FAM209A: variants seen among roughly 807,000 people sequenced by gnomAD.
The protein encoded by FAM209A is family with sequence similarity 209 member A.
Under a neutral mutation model 9.8 loss-of-function variants are expected in FAM209A, and 4 were observed. That is an observed-to-expected ratio of 0.41 (90% CI 0.20 to 0.94). The LOEUF is 0.94. FAM209A is among the 40% of genes least tolerant of loss of function. The probability of loss-of-function intolerance (pLI) is 0.32; values close to 1 mark genes in which losing one functional copy is unlikely to be tolerated. For missense variants in FAM209A, 205 were observed against 209.4 expected (o/e 0.98, Z 0.13); for synonymous variants, 55 against 77.8 (o/e 0.71, Z 1.54).
chr20:56,531,041 G>T (rs1985727241), downstream of FAM209A, among the ~76,000 whole-genome samples: 1 of 152,132 alleles, frequency 6.6e-6, no homozygotes, highest in African/African-American at 2.4e-5. Flanking sequence ...TCATTTTAAA[G>T]AACTCATGGT....
At chr20:56,527,502 GTC>G (rs150405742), downstream of FAM209A, among the ~76,000 whole-genome samples, 981 of 152,268 alleles carry the variant, frequency 6.4e-3, 7 homozygotes, top group African/African-American at 0.021. Context: ...TCTGCAAAAT[GTC>G]TCTTGCCACA....
At chr20:56,533,511 G>A in the FAM209A span, 4 of 1,614,056 alleles carry the variant, frequency 2.5e-6, no homozygotes, top group Non-Finnish European at 3.4e-6. Context: ...GGCTGGCTTG[G>A]GAGCAAATGG....
At chr20:56,528,788 A>G (rs1023369348), downstream of FAM209A, among the ~76,000 whole-genome samples, 2 of 152,328 alleles carry the variant, frequency 1.3e-5, no homozygotes, top group Admixed American at 6.5e-5. Flanking sequence ...AGAGAGACCA[A>G]GAGGAATCTG....
the FAM209A span, among the ~76,000 whole-genome samples, chr20:56,532,545 G>A: frequency 9.1e-5 from 13 of 142,154 alleles, no homozygotes; most frequent in East Asian, 4.1e-4. Flanking sequence ...GTGCAGTGGC[G>A]TGATCTCGGC....
downstream of FAM209A, among the ~76,000 whole-genome samples, chr20:56,530,599 C>T (rs1373172149): frequency 2.0e-5 from 3 of 151,962 alleles, no homozygotes; most frequent in East Asian, 1.9e-4. Context: ...TGGGCTCAAG[C>T]GATTCTCCTG....
At chr20:56,526,659 A>G (rs1985542240), downstream of FAM209A, among the ~76,000 whole-genome samples, 1 of 151,712 alleles carries the variant, frequency 6.6e-6, no homozygotes, top group African/African-American at 2.4e-5. Flanking sequence ...AAAAAAAAAA[A>G]AGGGGGATGA....
chr20:56,531,108 C>G (rs1318625227), downstream of FAM209A, among the ~76,000 whole-genome samples: 3 of 152,078 alleles, frequency 2.0e-5, no homozygotes, highest in Non-Finnish European at 2.9e-5. Context: ...AGTTGTCAAG[C>G]TAGCTGTTCC....
chr20:56,526,475 G>C (rs1985535581), downstream of FAM209A, among the ~76,000 whole-genome samples: 1 of 152,058 alleles, frequency 6.6e-6, no homozygotes, highest in Non-Finnish European at 1.5e-5. Flanking sequence ...ACAAAAGACA[G>C]CATTAATGAT....
At chr20:56,528,099 T>C (rs1985614589), downstream of FAM209A, among the ~76,000 whole-genome samples, 1 of 150,014 alleles carries the variant, frequency 6.7e-6, no homozygotes, top group Admixed American at 6.6e-5. Context: ...AGAGCTAGAC[T>C]CTGTCTCAAA....
chr20:56,525,715 C>G (rs1374740764), intron 1 of FAM209A, 89 bp from the exon 2 acceptor site: 1 of 1,353,814 alleles, frequency 7.4e-7, no homozygotes, highest in Non-Finnish European at 1.0e-6. Context: ...GGTCTTCTTG[C>G]AACTACTCAA....
chr20:56,528,803 G>A (rs1001671982), downstream of FAM209A, among the ~76,000 whole-genome samples: 1 of 152,310 alleles, frequency 6.6e-6, no homozygotes, highest in African/African-American at 2.4e-5. Flanking sequence ...AATCTGGACA[G>A]GCCCTGATGG....
At chr20:56,525,342 T>C (rs544229172) in intron 1 of FAM209A, among the ~76,000 whole-genome samples, 5 of 152,324 alleles carry the variant, frequency 3.3e-5, no homozygotes, top group East Asian at 3.9e-4. Context: ...CAAGAACTTA[T>C]GGTGTGTTTC....
chr20:56,527,023 T>C (rs1330173290), downstream of FAM209A, among the ~76,000 whole-genome samples: 1 of 152,220 alleles, frequency 6.6e-6, no homozygotes, highest in Non-Finnish European at 1.5e-5. Context: ...ATCCTACTTA[T>C]TCAAAATGTG....
chr20:56,530,505 A>T (rs560033561), downstream of FAM209A, among the ~76,000 whole-genome samples: 6 of 150,474 alleles, frequency 4.0e-5, no homozygotes, highest in African/African-American at 2.4e-5. Context: ...GAATTTATTC[A>T]TTTTTTTTTA....
downstream of FAM209A, among the ~76,000 whole-genome samples, chr20:56,529,023 A>G (rs957154967): frequency 3.3e-5 from 5 of 151,960 alleles, no homozygotes; most frequent in African/African-American, 1.2e-4. Context: ...AACCTGGCCA[A>G]CATGGTGAAA....
the FAM209A span, among the ~76,000 whole-genome samples, chr20:56,532,970 C>A: frequency 1.3e-5 from 2 of 152,194 alleles, no homozygotes; most frequent in African/African-American, 4.8e-5. Context: ...CTCAGCTCCA[C>A]GGGGCACATG....
downstream of FAM209A, among the ~76,000 whole-genome samples, chr20:56,528,457 C>T (rs896243602): frequency 3.4e-5 from 5 of 148,592 alleles, no homozygotes; most frequent in African/African-American, 5.0e-5. Flanking sequence ...AAAAATTAGC[C>T]GGGCATGGTT....
At chr20:56,529,292 G>A (rs1044714212), downstream of FAM209A, among the ~76,000 whole-genome samples, 5 of 151,992 alleles carry the variant, frequency 3.3e-5, no homozygotes, top group South Asian at 2.1e-4. Flanking sequence ...CAAGGTAGGC[G>A]GATCACCTGA....
intron 1 of FAM209A, among the ~76,000 whole-genome samples, chr20:56,525,494 G>A (rs940178569): frequency 1.3e-5 from 2 of 152,180 alleles, no homozygotes; most frequent in South Asian, 4.1e-4. Flanking sequence ...GTGCTGAAGA[G>A]ATAAAGATGT....
Sources: gnomAD v4.1 joint callset for allele counts (sites outside exome capture counted in the v4.1 genomes callset) on GRCh38, gnomAD v4.1.1 for gene constraint, MANE v1.5 for transcripts, NCBI Gene and HGNC (gene_info 2026-07-23, HGNC 2026-07-21) for gene names.